The following ANKS1B variants were observed in gnomAD, a reference collection of about 807,000 sequenced individuals.
ANKS1B encodes ankyrin repeat and sterile alpha motif domain containing 1B.
ANKS1B carries 36 observed loss-of-function variants against 148.3 expected under a neutral mutation model. That is an observed-to-expected ratio of 0.24 (90% CI 0.19 to 0.32). ANKS1B has a LOEUF of 0.32. ANKS1B is among the 10% of genes least tolerant of loss of function. The pLI is 1.00. For synonymous variants in ANKS1B, 542 were observed against 560.8 expected, an observed-to-expected ratio of 0.97 and a Z score of 0.47; for missense variants, 1,157 against 1,542.6, an observed-to-expected ratio of 0.75 and a Z score of 4.19.
intron 15 of ANKS1B, among the ~76,000 whole-genome samples, chr12:99,140,234 C>T (rs1267433379): frequency 6.6e-6 from 1 of 152,166 alleles, no homozygotes; most frequent in African/African-American, 2.4e-5. Context: ...GGCCACTTCA[C>T]CTGAATGGCT....
intron 9 of ANKS1B, among the ~76,000 whole-genome samples, chr12:99,542,852 C>T (rs917417377): frequency 7.9e-5 from 12 of 152,038 alleles, no homozygotes; most frequent in Non-Finnish European, 1.2e-4. Flanking sequence ...ATGAATCAAA[C>T]GCCTAAACGA....
chr12:99,536,714 T>C (rs1294107929), intron 9 of ANKS1B, among the ~76,000 whole-genome samples: 2 of 152,326 alleles, frequency 1.3e-5, no homozygotes, highest in South Asian at 2.1e-4. Context: ...AAGCACATTA[T>C]GAAGAACGGG....
At chr12:99,403,191 C>CT (rs1332705822) in intron 11 of ANKS1B, among the ~76,000 whole-genome samples, 7 of 96,036 alleles carry the variant, frequency 7.3e-5, no homozygotes, top group Non-Finnish European at 1.3e-4. Context: ...GACGGAGTCT[C>CT]TATCACCCAG....
At chr12:99,293,601 A>G (rs530245129) in intron 12 of ANKS1B, among the ~76,000 whole-genome samples, 5 of 152,360 alleles carry the variant, frequency 3.3e-5, no homozygotes, top group Admixed American at 2.6e-4. Flanking sequence ...ACTCTCCAGG[A>G]CATTGGACTG....
chr12:99,344,184 CACAAA>C (rs2090335774), intron 12 of ANKS1B, among the ~76,000 whole-genome samples: 2 of 151,930 alleles, frequency 1.3e-5, no homozygotes, highest in African/African-American at 2.4e-5. Context: ...GCCCTAGCTA[CACAAA>C]CCACTGTGTG....
intron 14 of ANKS1B, among the ~76,000 whole-genome samples, chr12:99,163,467 CTG>C (rs146637164): frequency 0.026 from 3,490 of 135,028 alleles, 55 homozygotes; most frequent in Non-Finnish European, 0.032. Flanking sequence ...TACATGCACT[CTG>C]TGTGTGTGTG....
At chr12:99,110,177 T>C (rs904160205) in intron 15 of ANKS1B, among the ~76,000 whole-genome samples, 1 of 152,168 alleles carries the variant, frequency 6.6e-6, no homozygotes, top group Non-Finnish European at 1.5e-5. Context: ...GGCTAGGTGT[T>C]GTAAGATAGA....
At chr12:99,929,064 T>C (rs1366420110) in intron 1 of ANKS1B, among the ~76,000 whole-genome samples, 1 of 152,220 alleles carries the variant, frequency 6.6e-6, no homozygotes, top group African/African-American at 2.4e-5. Context: ...GCAGGAAATA[T>C]TATAAGCTTC....
At chr12:99,251,217 T>C (rs1256121911) in intron 12 of ANKS1B, among the ~76,000 whole-genome samples, 2 of 152,146 alleles carry the variant, frequency 1.3e-5, no homozygotes, top group African/African-American at 2.4e-5. Flanking sequence ...TAGAACAATA[T>C]ATGCTGCATA....
chr12:99,891,797 GA>G (rs1014940317), intron 1 of ANKS1B, among the ~76,000 whole-genome samples: 14 of 151,960 alleles, frequency 9.2e-5, no homozygotes, highest in African/African-American at 3.4e-4. Flanking sequence ...TATGCTTTTA[GA>G]AAAAAATCTT....
chr12:99,528,602 A>G (rs762702024), intron 9 of ANKS1B, among the ~76,000 whole-genome samples: 12 of 152,182 alleles, frequency 7.9e-5, no homozygotes, highest in Non-Finnish European at 1.8e-4. Context: ...AATGAGGAAC[A>G]TAACATGAAT....
At chr12:99,754,747 T>C (rs568805332) in intron 8 of ANKS1B, among the ~76,000 whole-genome samples, 5 of 152,296 alleles carry the variant, frequency 3.3e-5, no homozygotes, top group African/African-American at 1.2e-4. Context: ...CCTGAATGAC[T>C]TTTGTGTAAA....
At chr12:99,972,295 C>A (rs1215460515) in intron 1 of ANKS1B, among the ~76,000 whole-genome samples, 2 of 152,158 alleles carry the variant, frequency 1.3e-5, no homozygotes, top group African/African-American at 4.8e-5. Flanking sequence ...TGTTAAAAGT[C>A]GAGACAGACT....
intron 12 of ANKS1B, among the ~76,000 whole-genome samples, chr12:99,395,528 A>G (rs1270448460): frequency 6.6e-6 from 1 of 152,108 alleles, no homozygotes; most frequent in African/African-American, 2.4e-5. Flanking sequence ...CTTTCCTTGT[A>G]TCTCTTAAAC....
intron 9 of ANKS1B, among the ~76,000 whole-genome samples, chr12:99,651,646 G>C (rs1162193596): frequency 1.3e-5 from 2 of 152,024 alleles, no homozygotes; most frequent in African/African-American, 4.8e-5. Flanking sequence ...ATTTCAATCT[G>C]CTTCTGATTA....
At position 99,092,084 on chromosome 12, in the gene ANKS1B, G is replaced by A. The variant is rs554316014; in HGVS notation, c.2527-7061C>T. Among the ~76,000 whole-genome samples the A allele has an allele frequency of 5.9e-5, 9 of 152,206 alleles. No homozygotes were observed. The South Asian group carries it at 1.2e-3, about 21-fold the overall frequency. On this transcript the variant is annotated intron_variant, in intron 15 of 26. Transcript: ENST00000683438. ...TGTCTGGCCTAATCTTCCCTGCTTT[G>A]CTCCAGTCCTTTCTGTTCACTGAAT... is the stretch of plus-strand genomic sequence containing the variant.
chr12:99,751,318 A>C (rs902155092), intron 8 of ANKS1B, among the ~76,000 whole-genome samples: 3 of 152,064 alleles, frequency 2.0e-5, no homozygotes, highest in African/African-American at 7.2e-5. Flanking sequence ...ATAAATAAAA[A>C]TCAGTATGAT....
chr12:99,079,454 G>A (rs887534473), intron 16 of ANKS1B, among the ~76,000 whole-genome samples: 1 of 152,086 alleles, frequency 6.6e-6, no homozygotes, highest in Non-Finnish European at 1.5e-5. Context: ...GAAGTAAAGG[G>A]CCACTAAAAT....
In ANKS1B at chr12:99,444,955, T is replaced by A. The variant is rs534307748; in HGVS notation, c.1439-1146A>T. On this transcript the variant is annotated intron_variant, in intron 10 of 26. Coordinates refer to ENST00000683438, the MANE Select transcript of ANKS1B (RefSeq NM_001352186.2). ...TTATCATAAAACTCTACCTACCATA[T>A]AAAAATATAACTCAGTCTCACTGAG... Among the ~76,000 whole-genome samples the A allele has an allele frequency of 2.0e-5, 3 of 151,944 alleles. No homozygotes were observed. The South Asian group carries it at 6.2e-4, about 32-fold the overall frequency.
Sources: allele counts gnomAD v4.1 joint callset (sites outside exome capture counted in the v4.1 genomes callset), GRCh38; gene constraint gnomAD v4.1.1; transcripts MANE v1.5; gene names NCBI Gene and HGNC (gene_info 2026-07-23, HGNC 2026-07-21).